The following CNNM1 variants were observed in gnomAD, a reference collection of about 807,000 sequenced individuals.
The protein encoded by CNNM1 is metal transporter CNNM1.
A neutral mutation model predicts 78.8 loss-of-function variants in CNNM1; 44 were observed. That is an observed-to-expected ratio of 0.56 (90% CI 0.44 to 0.72). The LOEUF (loss-of-function observed/expected upper bound fraction) is 0.72. CNNM1 is among the 30% of genes least tolerant of loss of function. The pLI, the probability that CNNM1 is intolerant of heterozygous loss-of-function variation, is 0.00. For missense variants in CNNM1, 1,101 were observed against 1,292.2 expected (o/e 0.85, Z 2.27); for synonymous variants, 584 against 581.5 (o/e 1.00, Z -0.06).
chr10:99,362,175 G>A, intron 3 of CNNM1, 52 bp from the exon 4 acceptor site: 2 of 1,518,632 alleles, frequency 1.3e-6, no homozygotes, highest in Non-Finnish European at 1.8e-6. Flanking sequence ...CTGCTGGAAT[G>A]GGTGGGACAC....
At chr10:99,340,804 C>CTCTT (rs1159183436) in intron 1 of CNNM1, among the ~76,000 whole-genome samples, 4 of 130,334 alleles carry the variant, frequency 3.1e-5, no homozygotes, top group Non-Finnish European at 4.8e-5. Context: ...TTCTTACTTT[C>CTCTT]TCTTTCTTTC....
At chr10:99,359,923 C>CAA (rs71009748) in intron 2 of CNNM1, among the ~76,000 whole-genome samples, 2 of 115,360 alleles carry the variant, frequency 1.7e-5, no homozygotes, top group African/African-American at 6.9e-5. Flanking sequence ...TTTCCTCTAC[C>CAA]AAAAAAAAAA....
chr10:99,334,304 G>C (rs1041311517), intron 1 of CNNM1, among the ~76,000 whole-genome samples: 8 of 152,216 alleles, frequency 5.3e-5, no homozygotes, highest in African/African-American at 1.4e-4. Flanking sequence ...TTATACATTT[G>C]CACCATAGGT....
At chr10:99,335,801 C>T (rs1259237231) in intron 1 of CNNM1, among the ~76,000 whole-genome samples, 3 of 152,168 alleles carry the variant, frequency 2.0e-5, no homozygotes, top group African/African-American at 7.2e-5. Context: ...AGGTTTTGGC[C>T]AACTCAGTTT....
In CNNM1 at chr10:99,379,526, C is replaced by T. The variant is rs897010132; in HGVS notation, c.2340+2308C>T. On this transcript the variant is annotated intron_variant, in intron 7 of 10. Coordinates refer to ENST00000356713, the MANE Select transcript of CNNM1 (RefSeq NM_020348.3). The stretch of plus-strand genomic sequence containing the variant: ...GCTTGTAGTTTAAGGGTCTGAGTGC[C>T]GGCCCATGGTGTGCAAAGGCAGAGG... Among the ~76,000 whole-genome samples, 21 of 152,212 alleles carry T rather than the reference C, an allele frequency of 1.4e-4. No individual in the cohort carries two copies. In the East Asian group the frequency reaches 3.1e-3, roughly 22 times the overall value.
rs551004934 is a variant in CNNM1 at position 99,355,255 on chromosome 10, TCA to T, written c.1574-2251_1574-2250del. ...ACACACGGACACAGGAAGGGGAACATCACACACTGGGGCCTGTTGTGGGGTGG... is the reference window on the plus strand; with the variant it reads ...ACACACGGACACAGGAAGGGGAACATCACACTGGGGCCTGTTGTGGGGTGG... On this transcript the variant is annotated intron_variant, in intron 1 of 10. Transcript: ENST00000356713. 1.3e-3 allele frequency among the ~76,000 whole-genome samples: 153 copies of T among 117,042 alleles called. 2 individuals are homozygous for T. The highest frequency in any genetic ancestry group is 4.6e-3 in the African/African-American group (143 of 31,074). The allele number at this position is 117,042 out of a possible 152,430, so 76.8% of individuals were successfully genotyped here.
intron 1 of CNNM1, among the ~76,000 whole-genome samples, chr10:99,349,087 A>G (rs974393699): frequency 6.6e-6 from 1 of 152,084 alleles, no homozygotes. Context: ...AAAAATAGAA[A>G]CCTATGTTCA....
chr10:99,362,457 A>T (rs2031471604), intron 4 of CNNM1, 61 bp downstream of exon 4: 2 of 1,534,036 alleles, frequency 1.3e-6, no homozygotes, highest in South Asian at 2.5e-5. Flanking sequence ...GGGTGAAGAA[A>T]TGGCCATGCC....
Position 99,362,372 on chromosome 10 carries a change from G to A in CNNM1, c.2004G>A (p.Val668=). Residue 668 remains valine (V), a synonymous_variant, in exon 4 of 11, where the codon GTG becomes GTA. Transcript: ENST00000356713. ...ACCTCTACCAGCGCAACCGCCCTGTGGACTACTTTGTGCTGCTTCTACAGG... is the reference window on the plus strand; with the variant it reads ...ACCTCTACCAGCGCAACCGCCCTGTAGACTACTTTGTGCTGCTTCTACAGG... ...EHYLYQRNRP[V]DYFVLLLQGK... 1.2e-6 allele frequency: 2 copies of A among 1,613,726 alleles called. No individual in the cohort carries two copies. The highest frequency in any genetic ancestry group is 1.7e-6 in the Non-Finnish European group (2 of 1,179,752).
At chr10:99,382,264 T>C (rs1359862810) in intron 7 of CNNM1, among the ~76,000 whole-genome samples, 5 of 152,288 alleles carry the variant, frequency 3.3e-5, no homozygotes, top group African/African-American at 1.2e-4. Flanking sequence ...TGATTAATGG[T>C]AGTTAATAAG....
At chr10:99,388,932 G>C (rs145462897) in intron 9 of CNNM1, among the ~76,000 whole-genome samples, 1 of 152,122 alleles carries the variant, frequency 6.6e-6, no homozygotes, top group Non-Finnish European at 1.5e-5. Flanking sequence ...GTTGCTCTGA[G>C]CTCCCAGGGT....
At position 99,345,709 on chromosome 10, in the gene CNNM1, G is replaced by A. The variant is rs146170429; in HGVS notation, c.1574-11803G>A. On this transcript the variant is annotated intron_variant, in intron 1 of 10. Coordinates refer to ENST00000356713, the MANE Select transcript of CNNM1 (RefSeq NM_020348.3). The stretch of plus-strand genomic sequence containing the variant: ...TCTCCAAGACCAGTTCTGTATCTGA[G>A]AGGCCTGAGCTTAATGTATCCAGAC... 1.0e-3 allele frequency among the ~76,000 whole-genome samples: 159 copies of A among 152,322 alleles called. 7 individuals carry two copies. In the East Asian group the frequency reaches 0.017, roughly 17 times the overall value.
chr10:99,360,826 ACCCCACAGCT>A lies in CNNM1; in HGVS notation c.1718-8_1719del. ...AGATAGCTGTAATCTGTCCTCTGTG[ACCCCACAGCT>A]GACAATCGGAAAAAGCAGAGGGTCC... is the stretch of plus-strand genomic sequence containing the variant. On this transcript the variant is annotated splice_acceptor_variant and splice_polypyrimidine_tract_variant and coding_sequence_variant and intron_variant, in exon 3 of 11. Transcript: ENST00000356713. LOFTEE classifies it high-confidence loss of function. The A allele has an allele frequency of 6.3e-7, 1 of 1,593,632 alleles. No individual in the cohort carries two copies. The highest frequency in any genetic ancestry group is 8.6e-7 in the Non-Finnish European group (1 of 1,166,332).
chr10:99,386,479 C>G (rs2032307999), intron 7 of CNNM1, among the ~76,000 whole-genome samples: 1 of 152,168 alleles, frequency 6.6e-6, no homozygotes, highest in African/African-American at 2.4e-5. Context: ...CTCTATTTGC[C>G]CACTCAAATG....
chr10:99,362,288 T>C lies in CNNM1; in HGVS notation c.1920T>C (p.His640=). The C allele has an allele frequency of 6.2e-7, 1 of 1,613,896 alleles. No individual in the cohort carries two copies. Among genetic ancestry groups the C allele is most frequent in the Non-Finnish European group, 8.5e-7 (1 of 1,179,850 alleles). Residue 640 remains histidine, a synonymous_variant, in exon 4 of 11, where the codon CAT becomes CAC. Coordinates refer to ENST00000356713, the MANE Select transcript of CNNM1 (RefSeq NM_020348.3). The part of the protein sequence containing the change: ...SEKILLRLLK[H]PNVIQELKFD... ...AGATCCTGCTCCGGCTCCTGAAACATCCCAACGTGATCCAGGAGCTGAAGT... is the reference window on the plus strand; with the variant it reads ...AGATCCTGCTCCGGCTCCTGAAACACCCCAACGTGATCCAGGAGCTGAAGT...
intron 6 of CNNM1, chr10:99,368,597 C>A (rs2031698880): frequency 7.8e-7 from 1 of 1,288,420 alleles, no homozygotes; most frequent in Non-Finnish European, 1.0e-6. Flanking sequence ...ACTCACAAAT[C>A]CTTGGCCCCT....
chr10:99,389,710 T>C (rs1438168342), intron 9 of CNNM1, among the ~76,000 whole-genome samples: 1 of 152,178 alleles, frequency 6.6e-6, no homozygotes, highest in African/African-American at 2.4e-5. Context: ...CTTGCTCAAG[T>C]CCAAAAACTG....
At chr10:99,352,889 T>C (rs980102455) in intron 1 of CNNM1, among the ~76,000 whole-genome samples, 2 of 152,140 alleles carry the variant, frequency 1.3e-5, no homozygotes, top group African/African-American at 4.8e-5. Flanking sequence ...AATTTGATTG[T>C]GTTTTGGGTG....
chr10:99,371,699 G>T (rs2031809637), intron 6 of CNNM1, among the ~76,000 whole-genome samples: 1 of 152,160 alleles, frequency 6.6e-6, no homozygotes, highest in Non-Finnish European at 1.5e-5. Flanking sequence ...TAAAGTGAAT[G>T]AGTTCATCTG....
Sources: allele counts gnomAD v4.1 joint callset (sites outside exome capture counted in the v4.1 genomes callset), GRCh38; gene constraint gnomAD v4.1.1; transcripts MANE v1.5; gene names NCBI Gene and HGNC (gene_info 2026-07-23, HGNC 2026-07-21).